The following CNOT6 variants were observed in gnomAD, a reference collection of about 807,000 sequenced individuals.
The protein encoded by CNOT6 is carbon catabolite repression 4 protein.
Under a neutral mutation model 61.2 loss-of-function variants are expected in CNOT6, and 12 were observed. The ratio of observed to expected loss-of-function variants is 0.20; its 90% CI spans 0.13 to 0.32. The LOEUF (loss-of-function observed/expected upper bound fraction) is 0.32, where lower values mean the gene tolerates loss of function less well. Among genes scored for constraint, CNOT6 ranks in the 10% least tolerant of loss-of-function variants. The pLI is 1.00. For missense variants in CNOT6, 405 were observed against 663.9 expected, an observed-to-expected ratio of 0.61 and a Z score of 4.28; for synonymous variants, 225 against 240.6, an observed-to-expected ratio of 0.94 and a Z score of 0.60.
chr5:180,524,572 T>C (rs1561640438), intron 1 of CNOT6, among the ~76,000 whole-genome samples: 1 of 152,152 alleles, frequency 6.6e-6, no homozygotes, highest in African/African-American at 2.4e-5. Flanking sequence ...AGTCTCACAA[T>C]ACGAAAAACC....
chr5:180,516,838 A>G lies in CNOT6; in HGVS notation c.-2-12437A>G, dbSNP rs538637418. 3.5e-4 allele frequency among the ~76,000 whole-genome samples: 53 copies of G among 152,326 alleles called. 1 individual carries two copies. Among genetic ancestry groups the G allele is most frequent in the African/African-American group, 1.2e-3 (50 of 41,572 alleles). ...AGGCAACAGGCCAGTTTACTTGCAG[A>G]AAATCCCACATTCTCATTTTATCTG... On this transcript the variant is annotated intron_variant, in intron 1 of 11. Coordinates refer to ENST00000261951, the MANE Select transcript of CNOT6 (RefSeq NM_001370472.1).
At chr5:180,514,978 G>T (rs1757566310) in intron 1 of CNOT6, among the ~76,000 whole-genome samples, 1 of 152,190 alleles carries the variant, frequency 6.6e-6, no homozygotes, top group East Asian at 1.9e-4. Context: ...CGTATGGTGT[G>T]CATGCAGAGT....
intron 1 of CNOT6, among the ~76,000 whole-genome samples, chr5:180,506,773 G>C (rs1757148184): frequency 6.6e-6 from 1 of 152,100 alleles, no homozygotes; most frequent in Non-Finnish European, 1.5e-5. Flanking sequence ...GATAGGCACT[G>C]CTTTTAAGGC....
At chr5:180,522,656 T>G (rs1162068326) in intron 1 of CNOT6, among the ~76,000 whole-genome samples, 1 of 152,130 alleles carries the variant, frequency 6.6e-6, no homozygotes, top group African/African-American at 2.4e-5. Flanking sequence ...GCTGCTTGTA[T>G]GTCTTGTTTT....
At chr5:180,519,368 C>T (rs1188414166) in intron 1 of CNOT6, among the ~76,000 whole-genome samples, 1 of 152,126 alleles carries the variant, frequency 6.6e-6, no homozygotes, top group Non-Finnish European at 1.5e-5. Flanking sequence ...ATTAGTCACT[C>T]CATTTTGATA....
intron 1 of CNOT6, among the ~76,000 whole-genome samples, chr5:180,526,843 A>G (rs1758122554): frequency 6.6e-6 from 1 of 152,024 alleles, no homozygotes; most frequent in African/African-American, 2.4e-5. Context: ...ATGTATCTAT[A>G]ATGGACAAGA....
At chr5:180,566,795 G>A (rs993400734) in intron 7 of CNOT6, among the ~76,000 whole-genome samples, 3 of 151,774 alleles carry the variant, frequency 2.0e-5, no homozygotes, top group Non-Finnish European at 2.9e-5. Flanking sequence ...TGGGATTACA[G>A]GCATGCACCA....
At chr5:180,549,643 C>T (rs374405026) in intron 2 of CNOT6, among the ~76,000 whole-genome samples, 2 of 150,070 alleles carry the variant, frequency 1.3e-5, no homozygotes, top group Admixed American at 6.6e-5. Flanking sequence ...AGCGAGACTC[C>T]GTTTCAAAAA....
chr5:180,514,379 G>A (rs1464257341), intron 1 of CNOT6, among the ~76,000 whole-genome samples: 2 of 152,194 alleles, frequency 1.3e-5, no homozygotes, highest in Admixed American at 1.3e-4. Context: ...CCGAGATAGC[G>A]CCACTGCACT....
chr5:180,563,059 A>C (rs563487776), intron 4 of CNOT6, among the ~76,000 whole-genome samples: 1 of 152,282 alleles, frequency 6.6e-6, no homozygotes, highest in African/African-American at 2.4e-5. Flanking sequence ...GAATCTTAAA[A>C]CCGAAAGATC....
At chr5:180,567,487 T>C (rs371531819) in intron 8 of CNOT6, among the ~76,000 whole-genome samples, 8 of 152,212 alleles carry the variant, frequency 5.3e-5, no homozygotes, top group African/African-American at 1.9e-4. Flanking sequence ...CAATTGTTAA[T>C]TGAAATACCA....
chr5:180,529,238 A>G (rs1214408110), intron 1 of CNOT6, 37 bp from the exon 2 acceptor site: 5 of 908,152 alleles, frequency 5.5e-6, no homozygotes, highest in South Asian at 4.6e-5. Flanking sequence ...TGTTTATTTG[A>G]TTTTTTAGAA....
At chr5:180,501,539 A>G (rs753669555) in intron 1 of CNOT6, among the ~76,000 whole-genome samples, 9 of 152,214 alleles carry the variant, frequency 5.9e-5, no homozygotes, top group Non-Finnish European at 1.2e-4. Context: ...TATAGTTGGC[A>G]TTGGAAGTTA....
Position 180,574,495 on chromosome 5 carries a change from T to C in CNOT6, c.*295T>C. Reference sequence around the variant, plus strand: ...AATAGAATATTTTCATGCCTGGAAATAGGAAAATGTGTGAACAGCGTATTC... The same window carrying C: ...AATAGAATATTTTCATGCCTGGAAACAGGAAAATGTGTGAACAGCGTATTC... On this transcript the variant is annotated 3_prime_UTR_variant, in exon 12 of 12. Transcript: ENST00000261951. The C allele has an allele frequency of 4.6e-6, 2 of 432,796 alleles. No individual in the cohort carries two copies. Among genetic ancestry groups the C allele is most frequent in the Non-Finnish European group, 4.2e-6 (1 of 235,720 alleles). The allele number at this position is 432,796 out of a possible 1,614,324, so 26.8% of individuals were successfully genotyped here.
chr5:180,512,969 C>T (rs1021112434), intron 1 of CNOT6, among the ~76,000 whole-genome samples: 2 of 151,594 alleles, frequency 1.3e-5, no homozygotes, highest in Non-Finnish European at 2.9e-5. Context: ...GATCTCGGCT[C>T]ACTGCAAGCT....
At chr5:180,547,485 A>G (rs1284280229) in intron 2 of CNOT6, among the ~76,000 whole-genome samples, 1 of 152,044 alleles carries the variant, frequency 6.6e-6, no homozygotes, top group Admixed American at 6.5e-5. Flanking sequence ...GCGCCACTGC[A>G]TTCCAGCCTG....
At chr5:180,517,139 T>C (rs1309973187) in intron 1 of CNOT6, among the ~76,000 whole-genome samples, 1 of 152,206 alleles carries the variant, frequency 6.6e-6, no homozygotes, top group Non-Finnish European at 1.5e-5. Context: ...TAACCCAGTA[T>C]AATCCTTTTT....
At position 180,567,187 on chromosome 5, in the gene CNOT6, T is replaced by G. The variant is rs746047547; in HGVS notation, c.817T>G (p.Ser273Ala). The G allele has an allele frequency of 2.5e-5, 41 of 1,613,370 alleles. No individual in the cohort carries two copies. The highest frequency in any genetic ancestry group is 3.4e-5 in the Non-Finnish European group (40 of 1,179,812). Residue 273 changes from serine (S) to alanine (A), a missense_variant, in exon 8 of 12, where the codon TCA becomes GCA. Ser to Ala is a moderately conservative substitution (Grantham distance 99, BLOSUM62 1). Around this residue, in one of 5 missense-constraint regions of CNOT6, gnomAD observed 24 missense variants for 85.2 expected, o/e 0.28. Transcript: ENST00000261951. ...TCCTAAGTCTAGAGCTAGGACAATG[T>G]CAGAACAAGAAAGGAAACATGTTGA... is the stretch of plus-strand genomic sequence containing the variant. ...FSPKSRARTM[S>A]EQERKHVDGC... is the part of the protein sequence containing the mutation.
chr5:180,529,335 C>T lies in CNOT6; in HGVS notation c.59C>T (p.Ser20Phe). The change falls in exon 2 of 12, where the codon TCT (serine) becomes TTT (phenylalanine). Residue 20 changes from serine to phenylalanine, a missense_variant. Transcript: ENST00000261951. Reference sequence around the variant, plus strand: ...CGGAGGATGTATACAATTATGTCTTCTGAGGAAGCAGCAAATGGAAAGAAA... The same window carrying T: ...CGGAGGATGTATACAATTATGTCTTTTGAGGAAGCAGCAAATGGAAAGAAA... ...DPRRMYTIMS[S>F]EEAANGKKSH... 1 of 1,613,556 alleles carries T rather than the reference C, an allele frequency of 6.2e-7. No homozygotes were observed. The highest frequency in any genetic ancestry group is 8.5e-7 in the Non-Finnish European group (1 of 1,179,772).
Sources: allele counts gnomAD v4.1 joint callset (sites outside exome capture counted in the v4.1 genomes callset), GRCh38; gene constraint gnomAD v4.1.1; regional missense constraint gnomAD v4.1.1; transcripts MANE v1.5; gene names NCBI Gene and HGNC (gene_info 2026-07-23, HGNC 2026-07-21).